VIPR1: variants seen among roughly 807,000 people sequenced by gnomAD.
VIPR1 encodes the protein vasoactive intestinal polypeptide receptor 1.
In VIPR1, 59 loss-of-function variants were observed where a neutral mutation model predicts 58.8. The observed-to-expected ratio is 1.00, with a 90% CI of 0.81 to 1.25. The LOEUF is 1.25. Among genes scored for constraint, VIPR1 ranks in the 50% most tolerant of loss-of-function variants. The pLI, the probability that VIPR1 is intolerant of heterozygous loss-of-function variation, is 0.00. For missense variants in VIPR1, 626 were observed against 602.7 expected, an observed-to-expected ratio of 1.04 and a Z score of -0.40; for synonymous variants, 251 against 242.1, an observed-to-expected ratio of 1.04 and a Z score of -0.34.
At chr3:42,531,398 A>T in intron 7 of VIPR1, 73 bp from the exon 8 acceptor site, 1 of 1,490,688 alleles carries the variant, frequency 6.7e-7, no homozygotes, top group Admixed American at 2.0e-5. Context: ...TTTTCTCCAA[A>T]ATCTCTCCCT....
intron 1 of VIPR1, among the ~76,000 whole-genome samples, chr3:42,491,899 A>C (rs552612875): frequency 1.3e-5 from 2 of 152,176 alleles, no homozygotes; most frequent in South Asian, 2.1e-4. Flanking sequence ...ACAAACAATA[A>C]TACTACTCAA....
intron 6 of VIPR1, 117 bp downstream of exon 6, chr3:42,528,240 C>A (rs1453621631): frequency 2.2e-6 from 3 of 1,394,028 alleles, no homozygotes; most frequent in Non-Finnish European, 2.9e-6. Context: ...TCCCACCCCA[C>A]CCCTCAATCC....
At chr3:42,506,205 G>A (rs1403402722) in intron 1 of VIPR1, among the ~76,000 whole-genome samples, 5 of 152,172 alleles carry the variant, frequency 3.3e-5, no homozygotes, top group African/African-American at 2.4e-5. Flanking sequence ...TAGGCAATGG[G>A]GCCTCTCAGA....
intron 1 of VIPR1, among the ~76,000 whole-genome samples, chr3:42,504,476 C>G (rs986998174): frequency 2.0e-5 from 3 of 152,128 alleles, no homozygotes; most frequent in Non-Finnish European, 4.4e-5. Flanking sequence ...ACCCTTCCCC[C>G]TCTAACCCCA....
In VIPR1 at chr3:42,535,312, A is replaced by G. The variant is rs369952678; in HGVS notation, c.1141-31A>G. ...AGGGCTGGGGGCTTCTGGTCTGTCT[A>G]CCTCACCTCTCCTGTCATCTTCCTT... On this transcript the variant is annotated intron_variant, in intron 11 of 12. Transcript: ENST00000325123. The G allele has an allele frequency of 3.5e-5, 56 of 1,613,178 alleles. No homozygotes were observed. The African/African-American group carries it at 6.6e-4, about 19-fold the overall frequency.
intron 1 of VIPR1, among the ~76,000 whole-genome samples, chr3:42,503,529 T>C (rs1229457793): frequency 8.5e-5 from 13 of 152,132 alleles, no homozygotes; most frequent in East Asian, 1.9e-4. Context: ...CGTGGGTATG[T>C]GTATGCCCTT....
chr3:42,529,841 C>T (rs984636575), intron 6 of VIPR1: 1 of 152,192 alleles, frequency 6.6e-6, no homozygotes, highest in African/African-American at 2.4e-5. Flanking sequence ...TGTGATTGCT[C>T]TACTCATGGG....
chr3:42,515,757 T>C (rs1313393412), intron 2 of VIPR1, among the ~76,000 whole-genome samples: 1 of 152,242 alleles, frequency 6.6e-6, no homozygotes, highest in Admixed American at 6.5e-5. Flanking sequence ...CTGGGGTCTA[T>C]AGCTCTGTGT....
rs766967313 is a variant in VIPR1, at chr3:42,519,189, G to A, written c.185-34G>A. 1.9e-6 allele frequency: 3 copies of A among 1,568,896 alleles called. No homozygotes were observed. The African/African-American group carries it at 4.1e-5, about 21-fold the overall frequency. ...CCAGGGCTGGAGGCACCTGCACTGT[G>A]CTCACCCATGTGTCTTCTGCCTTAC... On this transcript the variant is annotated intron_variant, in intron 2 of 12. Coordinates refer to ENST00000325123, the MANE Select transcript of VIPR1 (RefSeq NM_004624.4).
At chr3:42,526,424 C>T (rs750530628) in intron 4 of VIPR1, among the ~76,000 whole-genome samples, 6 of 152,226 alleles carry the variant, frequency 3.9e-5, no homozygotes, top group Non-Finnish European at 7.3e-5. Flanking sequence ...CATTCTCAGT[C>T]CCAGGACAGA....
rs1424236622 is a variant in VIPR1 at position 42,527,824 on chromosome 3, C to T, written c.504-167C>T. On this transcript the variant is annotated intron_variant, in intron 5 of 12. Coordinates refer to ENST00000325123, the MANE Select transcript of VIPR1 (RefSeq NM_004624.4). ...CCAGTTGCACAGGTGGATGGGGTACCTGGGGGTGGGGCTCGTATTTCAGGA... is the reference window on the plus strand; with the variant it reads ...CCAGTTGCACAGGTGGATGGGGTACTTGGGGGTGGGGCTCGTATTTCAGGA... 9 of 1,020,366 alleles carry T rather than the reference C, an allele frequency of 8.8e-6. No homozygotes were observed. In the African/African-American group the frequency reaches 1.3e-4, roughly 15 times the overall value. 63.2% of individuals were successfully genotyped at this position (1,020,366 alleles called of 1,614,324 possible). A position where few individuals can be genotyped will look rare whatever the true frequency, so the allele number is the denominator to read the frequency against.
chr3:42,493,989 G>A (rs1194222545), intron 1 of VIPR1, among the ~76,000 whole-genome samples: 1 of 152,140 alleles, frequency 6.6e-6, no homozygotes, highest in Non-Finnish European at 1.5e-5. Flanking sequence ...GCCCACACCC[G>A]TCCTGGGCCC....
intron 1 of VIPR1, among the ~76,000 whole-genome samples, chr3:42,511,011 G>C (rs552469390): frequency 6.6e-6 from 1 of 152,142 alleles, no homozygotes; most frequent in Non-Finnish European, 1.5e-5. Flanking sequence ...GAAAGTGAGG[G>C]CGTCCATTAT....
In VIPR1 at chr3:42,530,914, T is replaced by A. The variant is rs756212573; in HGVS notation, c.772T>A (p.Tyr258Asn). 1 of 1,613,930 alleles carries A rather than the reference T, an allele frequency of 6.2e-7. No individual in the cohort carries two copies. The highest frequency in any genetic ancestry group is 8.5e-7 in the Non-Finnish European group (1 of 1,179,910). ...CTCTGAGCGGAAGTACTTCTGGGGG[T>A]ACATACTCATCGGCTGGGGTATGGT... is the stretch of plus-strand genomic sequence containing the variant. Reference protein sequence around the residue: ...FFSERKYFWGYILIGWGVPST... With the variant: ...FFSERKYFWGNILIGWGVPST... The change falls in exon 7 of 13, where the codon TAC becomes AAC. Residue 258 changes from tyrosine to asparagine, a missense_variant. Physicochemically the swap from Tyr to Asn is moderately radical, Grantham distance 143. Coordinates refer to ENST00000325123, the MANE Select transcript of VIPR1 (RefSeq NM_004624.4).
chr3:42,526,599 C>T lies in VIPR1; in HGVS notation c.399+606C>T, dbSNP rs150035632. ...CGATGGCATCTGCCCCACCCTCAGG[C>T]GCCCTTCTCAGACCGGGCTTTCACT... is the stretch of plus-strand genomic sequence containing the variant. On this transcript the variant is annotated intron_variant, in intron 4 of 12. Coordinates refer to ENST00000325123, the MANE Select transcript of VIPR1 (RefSeq NM_004624.4). Among the ~76,000 whole-genome samples the T allele has an allele frequency of 5.9e-4, 90 of 152,258 alleles. 1 individual carries two copies. In the East Asian group the frequency reaches 0.013, roughly 22 times the overall value.
At chr3:42,534,749 A>T in intron 10 of VIPR1, 2 of 472,340 alleles carry the variant, frequency 4.2e-6, no homozygotes, top group South Asian at 2.8e-5. Context: ...TTTCTCTCTC[A>T]TGCTTCCCTC....
At position 42,536,495 on chromosome 3, in the gene VIPR1, T is replaced by C. The variant is rs1369670234; in HGVS notation, c.*214T>C. ...TCTAGCAAGTGAGAGAGATGGGAGC[T>C]CCTCTCCTGGAGGATTGCAGGTGGA... On this transcript the variant is annotated 3_prime_UTR_variant, in exon 13 of 13. Coordinates refer to ENST00000325123, the MANE Select transcript of VIPR1 (RefSeq NM_004624.4). 1.0e-5 allele frequency: 5 copies of C among 476,564 alleles called. No homozygotes were observed. Among genetic ancestry groups the C allele is most frequent in the Non-Finnish European group, 1.8e-5 (5 of 277,778 alleles). 29.5% of individuals were successfully genotyped at this position (476,564 alleles called of 1,614,324 possible). A position where few individuals can be genotyped will look rare whatever the true frequency, so the allele number is the denominator to read the frequency against.
intron 6 of VIPR1, chr3:42,530,138 T>C (rs1179849679): frequency 6.5e-6 from 1 of 153,274 alleles, no homozygotes; most frequent in Non-Finnish European, 1.5e-5. Flanking sequence ...TGGCATTAGA[T>C]GAATGAGTGG....
At chr3:42,510,998 C>T (rs1268647398) in intron 1 of VIPR1, among the ~76,000 whole-genome samples, 1 of 152,046 alleles carries the variant, frequency 6.6e-6, no homozygotes, top group African/African-American at 2.4e-5. Flanking sequence ...TTAAGAAGGC[C>T]CAGAAAGTGA....
Sources: allele counts gnomAD v4.1 joint callset (sites outside exome capture counted in the v4.1 genomes callset), GRCh38; gene constraint gnomAD v4.1.1; transcripts MANE v1.5; gene names NCBI Gene and HGNC (gene_info 2026-07-23, HGNC 2026-07-21).